Variants in PMM2 observed in about 807,000 individuals in gnomAD.
The protein encoded by PMM2 is phosphomannomutase 2.
PMM2 carries 35 observed loss-of-function variants against 33.2 expected under a neutral mutation model. The ratio of observed to expected loss-of-function variants is 1.06; its 90% CI spans 0.81 to 1.40. PMM2 has a LOEUF of 1.40. PMM2 is among the 40% of genes most tolerant of loss of function. The probability of loss-of-function intolerance (pLI) is 0.00; values close to 1 mark genes in which losing one functional copy is unlikely to be tolerated. For synonymous variants in PMM2, 153 were observed against 114.7 expected (o/e 1.33, Z -2.13); for missense variants, 386 against 306.0 (o/e 1.26, Z -1.95).
At chr16:8,812,367 A>G (rs2060682721) in intron 6 of PMM2, among the ~76,000 whole-genome samples, 1 of 151,960 alleles carries the variant, frequency 6.6e-6, no homozygotes, top group African/African-American at 2.4e-5. Context: ...GTCAGTGCTA[A>G]TGAGTCATTG....
chr16:8,813,254 A>T, intron 7 of PMM2, 148 bp downstream of exon 7: 1 of 713,582 alleles, frequency 1.4e-6, no homozygotes, highest in Non-Finnish European at 2.6e-6. Flanking sequence ...GAGGTGGGTG[A>T]TTGAGCCACC....
chr16:8,806,199 C>G (rs1473450491), intron 3 of PMM2, 117 bp from the exon 4 acceptor site: 3 of 744,218 alleles, frequency 4.0e-6, no homozygotes, highest in Non-Finnish European at 7.4e-6. Flanking sequence ...GTCACCATCA[C>G]TGCTACATCA....
chr16:8,824,539 CAT>C (rs1248423263), intron 7 of PMM2, among the ~76,000 whole-genome samples: 2 of 152,162 alleles, frequency 1.3e-5, no homozygotes, highest in African/African-American at 4.8e-5. Context: ...ATACTAATAA[CAT>C]AGTTATACGA....
At chr16:8,836,520 G>T (rs1040559257) in intron 7 of PMM2, among the ~76,000 whole-genome samples, 1 of 152,002 alleles carries the variant, frequency 6.6e-6, no homozygotes, top group African/African-American at 2.4e-5. Flanking sequence ...CCTGGCTGCT[G>T]CGGTTCAGGC....
At chr16:8,827,976 T>TAA (rs1169536768) in intron 7 of PMM2, among the ~76,000 whole-genome samples, 1 of 130,958 alleles carries the variant, frequency 7.6e-6, no homozygotes, top group African/African-American at 2.8e-5. Flanking sequence ...TATATATATA[T>TAA]AAAACTTGGA....
At chr16:8,827,818 A>ATT (rs1567164744) in intron 7 of PMM2, among the ~76,000 whole-genome samples, 2 of 105,124 alleles carry the variant, frequency 1.9e-5, no homozygotes, top group Non-Finnish European at 3.7e-5. Flanking sequence ...ATATTTATAT[A>ATT]ATATATATTA....
At chr16:8,808,870 G>A (rs957606146) in intron 4 of PMM2, 19 of 152,338 alleles carry the variant, frequency 1.2e-4, no homozygotes, top group Admixed American at 1.2e-3. Context: ...GCCTGGACAT[G>A]GGATTATTGA....
chr16:8,836,945 G>A (rs118125187), intron 7 of PMM2, among the ~76,000 whole-genome samples: 1 of 151,978 alleles, frequency 6.6e-6, no homozygotes, highest in Non-Finnish European at 1.5e-5. Flanking sequence ...GTGGGGGAGG[G>A]CCAGTCACAG....
chr16:8,812,546 G>T (rs1057267222), intron 6 of PMM2, among the ~76,000 whole-genome samples: 5 of 152,202 alleles, frequency 3.3e-5, no homozygotes, highest in Admixed American at 1.3e-4. Context: ...TTGCCCGTGA[G>T]CACTGCCTGT....
intron 7 of PMM2, among the ~76,000 whole-genome samples, chr16:8,833,650 T>C (rs533948026): frequency 4.4e-4 from 67 of 150,928 alleles, no homozygotes; most frequent in African/African-American, 1.5e-3. Context: ...GGTCTTGTGG[T>C]AAGGGGTGAT....
At chr16:8,839,638 TGCTAA>T (rs1458098880) in intron 7 of PMM2, among the ~76,000 whole-genome samples, 1 of 151,994 alleles carries the variant, frequency 6.6e-6, no homozygotes, top group Non-Finnish European at 1.5e-5. Context: ...CAATAATTAC[TGCTAA>T]TGTTTTTAAG....
intron 7 of PMM2, among the ~76,000 whole-genome samples, chr16:8,835,115 G>A (rs866505262): frequency 6.7e-4 from 100 of 148,432 alleles, no homozygotes; most frequent in Middle Eastern, 3.4e-3. Flanking sequence ...GGCAGCCGCT[G>A]CACGCAGACA....
At position 8,816,657 on chromosome 16, in the gene PMM2, C is replaced by G. The variant is rs2060710231; in HGVS notation, c.639+3551C>G. Among the ~76,000 whole-genome samples, 5 of 152,152 alleles carry G rather than the reference C, an allele frequency of 3.3e-5. No homozygotes were observed. The South Asian group carries it at 8.3e-4, about 25-fold the overall frequency. The stretch of plus-strand genomic sequence containing the variant: ...TTGGGAGGCTGAGGCAGGAGAATTG[C>G]TTGAACCCGGGAGGTGGAGGTTGCA... On this transcript the variant is annotated intron_variant, in intron 7 of 7. Transcript: ENST00000268261.
At chr16:8,800,032 T>G (rs2060604006) in intron 1 of PMM2, among the ~76,000 whole-genome samples, 1 of 152,204 alleles carries the variant, frequency 6.6e-6, no homozygotes, top group Non-Finnish European at 1.5e-5. Context: ...GAGGTTGAAT[T>G]AAATGGTTTT....
chr16:8,815,576 ATG>A (rs371019772), intron 7 of PMM2, among the ~76,000 whole-genome samples: 150 of 53,900 alleles, frequency 2.8e-3, no homozygotes, highest in African/African-American at 7.6e-3. Flanking sequence ...CAGTAGACAC[ATG>A]AGTTGTTTCC....
chr16:8,816,042 AT>A (rs2060706453), intron 7 of PMM2, among the ~76,000 whole-genome samples: 1 of 152,222 alleles, frequency 6.6e-6, no homozygotes, highest in Non-Finnish European at 1.5e-5. Flanking sequence ...CAGTGGGTAT[AT>A]AAAAAAAGGC....
chr16:8,800,457 T>G (rs1027090217), intron 1 of PMM2, among the ~76,000 whole-genome samples: 24 of 152,224 alleles, frequency 1.6e-4, no homozygotes, highest in African/African-American at 5.8e-4. Flanking sequence ...GTGATGTGTC[T>G]TAATGTAGGG....
At chr16:8,847,013 G>A (rs966066036) in intron 7 of PMM2, among the ~76,000 whole-genome samples, 25 of 152,018 alleles carry the variant, frequency 1.6e-4, no homozygotes, top group Admixed American at 6.5e-4. Context: ...TCAGACGTGC[G>A]CCACCATGCC....
At chr16:8,827,734 A>T (rs1404392414) in intron 7 of PMM2, among the ~76,000 whole-genome samples, 1 of 17,386 alleles carries the variant, frequency 5.8e-5, no homozygotes, top group Non-Finnish European at 1.4e-4. Flanking sequence ...ATATATATAT[A>T]TATATATATA....
Sources: allele counts gnomAD v4.1 joint callset (sites outside exome capture counted in the v4.1 genomes callset), GRCh38; gene constraint gnomAD v4.1.1; transcripts MANE v1.5; gene names NCBI Gene and HGNC (gene_info 2026-07-23, HGNC 2026-07-21).